PM20D2: variants seen among roughly 807,000 people sequenced by gnomAD.
PM20D2 encodes xaa-Arg dipeptidase.
Under a neutral mutation model 42.9 loss-of-function variants are expected in PM20D2, and 33 were observed. That is an observed-to-expected ratio of 0.77 (90% confidence interval 0.58 to 1.03). The LOEUF is 1.03. Ranked by LOEUF, PM20D2 falls within the 50% of genes least tolerant of loss-of-function variation. The pLI is 0.00. For synonymous variants in PM20D2, 250 were observed against 228.2 expected (o/e 1.10, Z -0.86); for missense variants, 548 against 557.0 (o/e 0.98, Z 0.16).
the PM20D2 span, among the ~76,000 whole-genome samples, chr6:89,138,662 C>T: frequency 3.9e-5 from 6 of 152,040 alleles, no homozygotes; most frequent in Admixed American, 2.6e-4. Context: ...GTCAGGAGGT[C>T]GAGACTATCC....
chr6:89,122,513 T>C, the PM20D2 span, among the ~76,000 whole-genome samples: 3 of 152,340 alleles, frequency 2.0e-5, no homozygotes, highest in Non-Finnish European at 4.4e-5. Context: ...AATGGGCTAA[T>C]TATCAGGTCT....
At chr6:89,101,373 A>G in the PM20D2 span, among the ~76,000 whole-genome samples, 9,568 of 152,242 alleles carry the variant, frequency 0.063, 872 homozygotes, top group African/African-American at 0.2. Flanking sequence ...ATAGGCAAAG[A>G]AAACTACACT....
the PM20D2 span, chr6:89,098,604 T>G: frequency 1.4e-5 from 22 of 1,612,644 alleles, no homozygotes; most frequent in Non-Finnish European, 1.8e-5. Context: ...TGACGATAAC[T>G]TCGAGATCTG....
intron 5 of PM20D2, among the ~76,000 whole-genome samples, chr6:89,159,083 T>TA (rs1474885213): frequency 2.6e-5 from 4 of 152,158 alleles, no homozygotes; most frequent in Non-Finnish European, 5.9e-5. Flanking sequence ...TGTTATAAAT[T>TA]ATTAGTATGT....
At chr6:89,140,701 A>G in the PM20D2 span, among the ~76,000 whole-genome samples, 1 of 152,186 alleles carries the variant, frequency 6.6e-6, no homozygotes, top group Non-Finnish European at 1.5e-5. Flanking sequence ...GGAAAAGCCT[A>G]TCCTCTCAGA....
chr6:89,099,459 T>C, the PM20D2 span, among the ~76,000 whole-genome samples: 2 of 146,940 alleles, frequency 1.4e-5, no homozygotes, highest in African/African-American at 2.5e-5. Context: ...TATGTGTGTA[T>C]ATATGTGTGT....
chr6:89,137,063 C>T, the PM20D2 span, among the ~76,000 whole-genome samples: 1 of 151,216 alleles, frequency 6.6e-6, no homozygotes, highest in Non-Finnish European at 1.5e-5. Flanking sequence ...TATAATTTCT[C>T]CTTTATACAC....
At chr6:89,109,231 T>C in the PM20D2 span, among the ~76,000 whole-genome samples, 3 of 152,124 alleles carry the variant, frequency 2.0e-5, no homozygotes, top group Non-Finnish European at 4.4e-5. Context: ...GTGTTTTCCA[T>C]AGTGAGGCCC....
At chr6:89,131,414 A>G in the PM20D2 span, among the ~76,000 whole-genome samples, 3 of 150,092 alleles carry the variant, frequency 2.0e-5, no homozygotes, top group African/African-American at 7.3e-5. Flanking sequence ...CTGGCTGAGT[A>G]CGGTGGCTCA....
At chr6:89,135,874 A>T in the PM20D2 span, among the ~76,000 whole-genome samples, 10 of 151,134 alleles carry the variant, frequency 6.6e-5, no homozygotes, top group Non-Finnish European at 1.5e-4. Context: ...CAATAGACTG[A>T]CTTTTATCTC....
the PM20D2 span, among the ~76,000 whole-genome samples, chr6:89,134,049 G>A: frequency 6.6e-6 from 1 of 151,300 alleles, no homozygotes; most frequent in African/African-American, 2.5e-5. Context: ...TGTCAGTCCG[G>A]CTGAGGGTCT....
chr6:89,098,502 TAAAGA>T, the PM20D2 span: 2 of 1,491,850 alleles, frequency 1.3e-6, no homozygotes, highest in Non-Finnish European at 1.8e-6. Flanking sequence ...CTGTATGCCT[TAAAGA>T]ATTTTTATTT....
the PM20D2 span, among the ~76,000 whole-genome samples, chr6:89,114,019 G>A: frequency 6.6e-6 from 1 of 152,262 alleles, no homozygotes; most frequent in East Asian, 1.9e-4. Flanking sequence ...GTACTAAAAG[G>A]TTAATACAGA....
chr6:89,109,912 AAAC>A, the PM20D2 span, among the ~76,000 whole-genome samples: 1 of 152,148 alleles, frequency 6.6e-6, no homozygotes, highest in African/African-American at 2.4e-5. Context: ...TAAGAGGGTG[AAAC>A]CCCATCTCTA....
chr6:89,123,463 G>T, the PM20D2 span, among the ~76,000 whole-genome samples: 1 of 152,048 alleles, frequency 6.6e-6, no homozygotes, highest in Non-Finnish European at 1.5e-5. Flanking sequence ...GCTCATGCCT[G>T]TAATCTCAGT....
the PM20D2 span, among the ~76,000 whole-genome samples, chr6:89,115,092 G>T: frequency 6.7e-6 from 1 of 149,522 alleles, no homozygotes; most frequent in African/African-American, 2.5e-5. Flanking sequence ...CACCACGCCC[G>T]GCCACAGCTT....
At position 89,146,349 on chromosome 6, in the gene PM20D2, G is replaced by C. The variant is rs575939911; in HGVS notation, c.205G>C (p.Glu69Gln). 89 of 1,558,972 alleles carry C rather than the reference G, an allele frequency of 5.7e-5. No individual in the cohort carries two copies. In the African/African-American group the frequency reaches 1.2e-3, roughly 20 times the overall value. Reference sequence around the variant, plus strand: ...CGTGCTGACGCACTTCTTCGAGCGGGAGCCGCCCGCGGCCTCCTGGGCAGT... The same window carrying C: ...CGTGCTGACGCACTTCTTCGAGCGGCAGCCGCCCGCGGCCTCCTGGGCAGT... The part of the protein sequence containing the change: ...HRVLTHFFER[E>Q]PPAASWAVQP... Residue 69 changes from glutamate to glutamine, a missense_variant, in exon 1 of 7, where the codon GAG (glutamate) becomes CAG (glutamine). Physicochemically the swap from Glu to Gln is conservative, Grantham distance 29. Coordinates refer to ENST00000275072, the MANE Select transcript of PM20D2 (RefSeq NM_001010853.3).
At chr6:89,160,385 C>T (rs185141418) in intron 5 of PM20D2, among the ~76,000 whole-genome samples, 1 of 152,314 alleles carries the variant, frequency 6.6e-6, no homozygotes, top group East Asian at 1.9e-4. Flanking sequence ...AATGAGAATA[C>T]ATACAAAGCA....
At chr6:89,161,956 G>C in intron 6 of PM20D2, 66 bp downstream of exon 6, 2 of 1,505,320 alleles carry the variant, frequency 1.3e-6, no homozygotes, top group Non-Finnish European at 1.8e-6. Flanking sequence ...CTGCCTTTCT[G>C]TTTAACCTAC....
Sources: allele counts gnomAD v4.1 joint callset (sites outside exome capture counted in the v4.1 genomes callset), GRCh38; gene constraint gnomAD v4.1.1; transcripts MANE v1.5; gene names NCBI Gene and HGNC (gene_info 2026-07-23, HGNC 2026-07-21).